EHD1: variants seen among roughly 807,000 people sequenced by gnomAD.
The protein encoded by EHD1 is EH domain-containing protein 1.
In EHD1, 19 loss-of-function variants were observed where a neutral mutation model predicts 39.0. That is an observed-to-expected ratio of 0.49 (90% CI 0.34 to 0.72). EHD1 has a LOEUF of 0.72. EHD1 is among the 30% of genes least tolerant of loss of function. EHD1 has a pLI of 0.01. For missense variants in EHD1, 542 were observed against 751.5 expected (o/e 0.72, Z 3.26); for synonymous variants, 323 against 331.2 (o/e 0.98, Z 0.27).
In EHD1 at chr11:64,878,282, C is replaced by G. The variant is rs1385019763; in HGVS notation, c.183G>C (p.Val61=). The G allele has an allele frequency of 6.2e-7, 1 of 1,614,216 alleles. No individual in the cohort carries two copies. The part of the protein sequence containing the change: ...EDADFDNKPM[V]LLVGQYSTGK... ...CCGTGCTGTACTGCCCCACGAGGAG[C>G]ACCATAGGCTTGTTGTCGAAGTCAG... The change falls in exon 1 of 5, where the codon GTG becomes GTC. Residue 61 remains valine (V), a synonymous_variant. Transcript: ENST00000320631.
chr11:64,854,276 C>A lies in EHD1; in HGVS notation c.*57G>T. 2 of 1,530,812 alleles carry A rather than the reference C, an allele frequency of 1.3e-6. No homozygotes were observed. The highest frequency in any genetic ancestry group is 1.8e-6 in the Non-Finnish European group (2 of 1,141,908). 94.8% of individuals were successfully genotyped at this position (1,530,812 alleles called of 1,614,324 possible). A position where few individuals can be genotyped will look rare whatever the true frequency, so the allele number is the denominator to read the frequency against. On this transcript the variant is annotated 3_prime_UTR_variant, in exon 5 of 5. Transcript: ENST00000320631. ...TTGAGAAATGGTGAGGCTTCCCCTC[C>A]CCCCGTCTCTGCCTCCCGGCCGGGC... is the stretch of plus-strand genomic sequence containing the variant.
chr11:64,866,882 A>C (rs1943772873), intron 2 of EHD1, among the ~76,000 whole-genome samples: 1 of 152,094 alleles, frequency 6.6e-6, no homozygotes. Flanking sequence ...CACTGACAGG[A>C]GATACCAGGA....
At chr11:64,863,247 G>C (rs1027362005) in intron 2 of EHD1, among the ~76,000 whole-genome samples, 4 of 152,222 alleles carry the variant, frequency 2.6e-5, no homozygotes, top group African/African-American at 9.7e-5. Flanking sequence ...CCCACCACCT[G>C]CTCCTGGCAT....
chr11:64,878,813 C>A, upstream of EHD1: 1 of 1,172,090 alleles, frequency 8.5e-7, no homozygotes, highest in Non-Finnish European at 1.1e-6. Flanking sequence ...AGGCTGTGGT[C>A]CGGGTGCCGT....
chr11:64,860,393 C>T (rs1592747014), intron 2 of EHD1, 57 bp from the exon 3 acceptor site: 1 of 1,551,380 alleles, frequency 6.4e-7, no homozygotes, highest in Non-Finnish European at 8.7e-7. Context: ...GCTCTGATGG[C>T]TCTCATCTCC....
Position 64,867,610 on chromosome 11 carries a change from T to C in EHD1, c.502+6811A>G, listed in dbSNP as rs567870303. 5.3e-5 allele frequency among the ~76,000 whole-genome samples: 8 copies of C among 152,002 alleles called. No homozygotes were observed. In the East Asian group the frequency reaches 1.5e-3, roughly 29 times the overall value. ...GGCAGGCGCCTGTAATCCCAGCTAC[T>C]TGGGAGGCTGAGGCAGGAGAATTGC... On this transcript the variant is annotated intron_variant, in intron 2 of 4. Transcript: ENST00000320631.
intron 2 of EHD1, among the ~76,000 whole-genome samples, chr11:64,873,782 T>C (rs2136499842): frequency 6.6e-6 from 1 of 151,954 alleles, no homozygotes; most frequent in Middle Eastern, 3.4e-3. Context: ...GTTCACGCTA[T>C]TCTCCTGCCT....
In EHD1 at chr11:64,868,396, G is replaced by A. The variant is rs1565722000; in HGVS notation, c.502+6025C>T. On this transcript the variant is annotated intron_variant, in intron 2 of 4. Transcript: ENST00000320631. The surrounding 1 kb of genome is among the most constrained non-coding windows in gnomAD (Gnocchi z 4.2). ...ACACGCCCACACGAACCACGTACTT[G>A]ACTCAAAACTGCCCCGGGTGGAACA... 6.6e-6 allele frequency among the ~76,000 whole-genome samples: 1 copy of A among 152,066 alleles called. No homozygotes were observed. The highest frequency in any genetic ancestry group is 1.5e-5 in the Non-Finnish European group (1 of 68,022).
At chr11:64,879,251 G>A, upstream of EHD1, 2 of 1,091,512 alleles carry the variant, frequency 1.8e-6, no homozygotes, top group Non-Finnish European at 2.3e-6. Flanking sequence ...AAAGAAAAAT[G>A]GGCAGCGAGA....
At chr11:64,876,084 C>T (rs1167361648) in intron 1 of EHD1, among the ~76,000 whole-genome samples, 2 of 152,204 alleles carry the variant, frequency 1.3e-5, no homozygotes, top group East Asian at 1.9e-4. Flanking sequence ...TCACCAAGAA[C>T]GCACAGGTTT....
At chr11:64,871,497 C>T (rs1207102051) in intron 2 of EHD1, among the ~76,000 whole-genome samples, 1 of 152,196 alleles carries the variant, frequency 6.6e-6, no homozygotes, top group African/African-American at 2.4e-5. Context: ...GGTCTTTCTC[C>T]TGACAATAAA....
At chr11:64,854,971 C>A in intron 4 of EHD1, 114 bp from the exon 5 acceptor site, 8 of 1,369,154 alleles carry the variant, frequency 5.8e-6, no homozygotes, top group Non-Finnish European at 8.0e-6. Flanking sequence ...CCCACACTAG[C>A]AGGGGCGACT....
intron 2 of EHD1, among the ~76,000 whole-genome samples, chr11:64,867,249 T>C (rs1943777742): frequency 1.3e-5 from 2 of 151,224 alleles, no homozygotes; most frequent in Admixed American, 1.3e-4. Context: ...TGAAACCCCA[T>C]CTCCACTAAA....
rs371387790 is a variant in EHD1 at position 64,854,765 on chromosome 11, C to A, written c.1173G>T (p.Ala391=). ...TVDDMLANDI[A]RLMVMVRQEE... Reference sequence around the variant, plus strand: ...CCTGCCGCACCATCACCATCAGCCGCGCGATGTCGTTGGCCAGCATGTCAT... The same window carrying A: ...CCTGCCGCACCATCACCATCAGCCGAGCGATGTCGTTGGCCAGCATGTCAT... Residue 391 remains alanine, a synonymous_variant, in exon 5 of 5, where the codon GCG becomes GCT. Transcript: ENST00000320631. 3 of 1,609,252 alleles carry A rather than the reference C, an allele frequency of 1.9e-6. No individual in the cohort carries two copies. In the Admixed American group the frequency reaches 5.0e-5, roughly 27 times the overall value.
At position 64,877,104 on chromosome 11, in the gene EHD1, G is replaced by C. The variant is rs999667307; in HGVS notation, c.404+957C>G. On this transcript the variant is annotated intron_variant, in intron 1 of 4. Transcript: ENST00000320631. ...GAATTATGAAAGGCATGTGGAGTCC[G>C]TGAACGTGGGGTGGCAGGGAGGACA... 2.0e-5 allele frequency among the ~76,000 whole-genome samples: 3 copies of C among 152,228 alleles called. No homozygotes were observed. In the South Asian group the frequency reaches 6.2e-4, roughly 32 times the overall value.
intron 2 of EHD1, among the ~76,000 whole-genome samples, chr11:64,867,420 A>C (rs1351706434): frequency 6.6e-6 from 1 of 151,722 alleles, no homozygotes; most frequent in Non-Finnish European, 1.5e-5. Context: ...CTCTGTCTCA[A>C]AAGAAAAAAA....
In EHD1 at chr11:64,860,725, A is replaced by G. The variant is rs558247254; in HGVS notation, c.503-389T>C. 4.2e-3 allele frequency among the ~76,000 whole-genome samples: 626 copies of G among 149,738 alleles called. 5 individuals carry two copies. Among genetic ancestry groups the G allele is most frequent in the African/African-American group, 0.015 (599 of 40,444 alleles). ...GAAGAGCAAAACTGTCGCGAAAAAA[A>G]AAAAAAAAAGAAAAGGCCAGGCACA... On this transcript the variant is annotated intron_variant, in intron 2 of 4. Coordinates refer to ENST00000320631, the MANE Select transcript of EHD1 (RefSeq NM_006795.4).
intron 2 of EHD1, among the ~76,000 whole-genome samples, chr11:64,865,027 C>G (rs971303464): frequency 1.3e-5 from 2 of 152,230 alleles, no homozygotes; most frequent in African/African-American, 4.8e-5. Context: ...AGTTACTGGC[C>G]GTCATCTCAA....
At chr11:64,863,018 C>T (rs1943731306) in intron 2 of EHD1, among the ~76,000 whole-genome samples, 1 of 152,242 alleles carries the variant, frequency 6.6e-6, no homozygotes, top group Admixed American at 6.5e-5. Flanking sequence ...GGGCCCCACC[C>T]CCGAGGGGCC....
Sources: allele counts gnomAD v4.1 joint callset (sites outside exome capture counted in the v4.1 genomes callset), GRCh38; gene constraint gnomAD v4.1.1; non-coding constraint Gnocchi (gnomAD v3.1); transcripts MANE v1.5; gene names NCBI Gene and HGNC (gene_info 2026-07-23, HGNC 2026-07-21).